The following PTPN20 variants were observed in gnomAD, a reference collection of about 807,000 sequenced individuals.
PTPN20 encodes the protein tyrosine-protein phosphatase non-receptor type 20.
A neutral mutation model predicts 35.0 loss-of-function variants in PTPN20; 9 were observed. That is an observed-to-expected ratio of 0.26 (90% CI 0.15 to 0.45). The LOEUF (loss-of-function observed/expected upper bound fraction) is 0.45. PTPN20 is among the 20% of genes least tolerant of loss of function. PTPN20 has a pLI of 1.00. For missense variants in PTPN20, 111 were observed against 312.5 expected, an observed-to-expected ratio of 0.36 and a Z score of 4.86; for synonymous variants, 32 against 100.2, an observed-to-expected ratio of 0.32 and a Z score of 4.06.
chr10:46,941,418 T>C (rs1339785822), intron 3 of PTPN20, among the ~76,000 whole-genome samples: 10 of 131,734 alleles, frequency 7.6e-5, no homozygotes, highest in Non-Finnish European at 1.2e-4. Flanking sequence ...TATTATCTCC[T>C]GTCCATTCTC....
chr10:46,953,372 T>TTTCC (rs1565508628), intron 5 of PTPN20, among the ~76,000 whole-genome samples: 6 of 142,470 alleles, frequency 4.2e-5, no homozygotes, highest in Non-Finnish European at 4.4e-5. Flanking sequence ...TCTTTCTTTC[T>TTTCC]TTCTTTCTTT....
At chr10:46,947,633 T>TA (rs2045346437) in intron 5 of PTPN20, among the ~76,000 whole-genome samples, 1 of 151,832 alleles carries the variant, frequency 6.6e-6, no homozygotes, top group South Asian at 2.1e-4. Context: ...TGTATTTTTT[T>TA]ATAGTTAACC....
intron 5 of PTPN20, among the ~76,000 whole-genome samples, chr10:46,954,390 A>G (rs1422461264): frequency 2.7e-5 from 4 of 149,394 alleles, no homozygotes; most frequent in Admixed American, 2.0e-4. Flanking sequence ...ACGGCCACAT[A>G]TGGGCCACAA....
At chr10:46,940,005 C>T (rs1297989458) in intron 2 of PTPN20, among the ~76,000 whole-genome samples, 2 of 152,232 alleles carry the variant, frequency 1.3e-5, no homozygotes, top group South Asian at 2.1e-4. Context: ...ACTCTGAGTG[C>T]TCAGTACTGA....
intron 9 of PTPN20, among the ~76,000 whole-genome samples, chr10:46,998,637 A>G (rs1308570204): frequency 1.3e-5 from 2 of 151,694 alleles, no homozygotes; most frequent in African/African-American, 4.8e-5. Flanking sequence ...ACACATACAC[A>G]CTCTCACACA....
intron 4 of PTPN20, among the ~76,000 whole-genome samples, chr10:46,944,886 CA>C (rs1426344807): frequency 6.9e-6 from 1 of 145,568 alleles, no homozygotes; most frequent in African/African-American, 2.7e-5. Context: ...AGTAAAAATC[CA>C]AAGATTGTGG....
At chr10:46,994,722 C>G (rs1406605072) in intron 9 of PTPN20, among the ~76,000 whole-genome samples, 1 of 152,136 alleles carries the variant, frequency 6.6e-6, no homozygotes, top group Non-Finnish European at 1.5e-5. Context: ...ACCCCTTGCT[C>G]TTGTTCAACT....
At chr10:46,953,805 T>C in intron 5 of PTPN20, among the ~76,000 whole-genome samples, 1 of 147,924 alleles carries the variant, frequency 6.8e-6, no homozygotes, top group Non-Finnish European at 1.5e-5. Context: ...TACGATTTGA[T>C]TTGCTAGTAT....
At chr10:46,926,564 A>G (rs1160905831) in intron 1 of PTPN20, among the ~76,000 whole-genome samples, 1 of 151,000 alleles carries the variant, frequency 6.6e-6, no homozygotes, top group Non-Finnish European at 1.5e-5. Context: ...AGAAAGTGAG[A>G]TATAACTAAG....
intron 7 of PTPN20, among the ~76,000 whole-genome samples, chr10:46,982,839 C>T (rs1286227965): frequency 6.6e-6 from 1 of 152,110 alleles, no homozygotes; most frequent in Admixed American, 6.6e-5. Context: ...AAAGATCTCC[C>T]TACAAAGCCA....
At chr10:46,996,302 A>G (rs1161955215) in intron 9 of PTPN20, among the ~76,000 whole-genome samples, 1 of 152,140 alleles carries the variant, frequency 6.6e-6, no homozygotes, top group Non-Finnish European at 1.5e-5. Context: ...TTCCATCTTC[A>G]TTATTTGGTT....
At chr10:46,978,873 T>TA (rs1353845199) in intron 7 of PTPN20, among the ~76,000 whole-genome samples, 1 of 148,252 alleles carries the variant, frequency 6.7e-6, no homozygotes. Context: ...TGGTGTTGAT[T>TA]AGTTGATCAT....
In PTPN20 at chr10:46,932,389, T is replaced by G; in HGVS notation, c.-111T>G. ...TGTGTTTTACCAGGTGAACAAAAAT[T>G]GTTTGCTGGCCCCCAGGATACTAAC... On this transcript the variant is annotated 5_prime_UTR_variant, in exon 2 of 11. The change creates a new upstream start codon in the 5' untranslated region. Transcript: ENST00000374339. 1 of 1,605,842 alleles carries G rather than the reference T, an allele frequency of 6.2e-7. No individual in the cohort carries two copies. Among genetic ancestry groups the G allele is most frequent in the African/African-American group, 1.3e-5 (1 of 74,560 alleles).
At chr10:46,950,691 C>T (rs1170175552) in intron 5 of PTPN20, among the ~76,000 whole-genome samples, 1 of 151,828 alleles carries the variant, frequency 6.6e-6, no homozygotes, top group Non-Finnish European at 1.5e-5. Flanking sequence ...TAGTGAAAAT[C>T]AATATAGAAT....
In PTPN20 at chr10:46,979,915, A is replaced by C. The variant is rs2054809730; in HGVS notation, c.584-4315A>C. 2.0e-5 allele frequency among the ~76,000 whole-genome samples: 3 copies of C among 150,338 alleles called. No homozygotes were observed. In the South Asian group the frequency reaches 6.4e-4, roughly 32 times the overall value. ...TATTAACTCTTCAGCCCTATGTTGT[A>C]ATTTAGTTCTCAGGGATCTCAATCA... On this transcript the variant is annotated intron_variant, in intron 7 of 10. Coordinates refer to ENST00000374339, the MANE Select transcript of PTPN20 (RefSeq NM_001042357.5).
At chr10:46,995,604 C>T (rs2058961972) in intron 9 of PTPN20, among the ~76,000 whole-genome samples, 1 of 152,112 alleles carries the variant, frequency 6.6e-6, no homozygotes, top group Non-Finnish European at 1.5e-5. Context: ...AGTTACAGAC[C>T]AGAGTTTCCA....
chr10:46,996,813 C>T (rs2059176797), intron 9 of PTPN20, among the ~76,000 whole-genome samples: 5 of 152,090 alleles, frequency 3.3e-5, no homozygotes, highest in African/African-American at 9.7e-5. Flanking sequence ...TTTCTGGTTC[C>T]GTATTCTGTT....
chr10:47,003,585 C>G (rs1207042468), downstream of PTPN20, among the ~76,000 whole-genome samples: 4 of 152,102 alleles, frequency 2.6e-5, no homozygotes, highest in South Asian at 6.2e-4. Context: ...AACCAGCAAA[C>G]TATGGCCCAC....
intron 7 of PTPN20, among the ~76,000 whole-genome samples, chr10:46,982,467 C>T (rs1281057595): frequency 1.3e-4 from 20 of 152,000 alleles, no homozygotes; most frequent in African/African-American, 4.8e-4. Context: ...CCCTTGTATG[C>T]GCTGTGTCTT....
Sources: gnomAD v4.1 joint callset for allele counts (sites outside exome capture counted in the v4.1 genomes callset) on GRCh38, gnomAD v4.1.1 for gene constraint, MANE v1.5 for transcripts, NCBI Gene and HGNC (gene_info 2026-07-23, HGNC 2026-07-21) for gene names.